The following TMC5 variants were observed in gnomAD, a reference collection of about 807,000 sequenced individuals.
TMC5 encodes the protein transmembrane channel like 5.
Under a neutral mutation model 110.5 loss-of-function variants are expected in TMC5, and 86 were observed. The ratio of observed to expected loss-of-function variants is 0.78; its 90% CI spans 0.65 to 0.93. TMC5 has a LOEUF of 0.93. Among genes scored for constraint, TMC5 ranks in the 40% least tolerant of loss-of-function variants. The pLI is 0.00. For missense variants in TMC5, 1,144 were observed against 1,222.8 expected (o/e 0.94, Z 0.96); for synonymous variants, 455 against 439.5 (o/e 1.04, Z -0.44).
rs1968072617 is a variant in TMC5, at chr16:19,463,200, A to T, written c.1149-80A>T. On this transcript the variant is annotated intron_variant, in intron 6 of 21. Transcript: ENST00000542583. Reference sequence around the variant, plus strand: ...CTTCCGAAGTGTTGGGATTACAGGCATGAGCCACCATGTAACTATTTTTTG... The same window carrying T: ...CTTCCGAAGTGTTGGGATTACAGGCTTGAGCCACCATGTAACTATTTTTTG... 2.7e-6 allele frequency: 3 copies of T among 1,102,288 alleles called. No individual in the cohort carries two copies. The East Asian group carries it at 7.2e-5, about 26-fold the overall frequency. The allele number at this position is 1,102,288 out of a possible 1,614,324, so 68.3% of individuals were successfully genotyped here.
intron 19 of TMC5, 91 bp downstream of exon 19, chr16:19,492,319 ACT>A (rs1244974583): frequency 7.1e-6 from 6 of 846,726 alleles, no homozygotes; most frequent in African/African-American, 1.7e-5. Flanking sequence ...ACTACAATGA[ACT>A]CTCATATCCC....
At chr16:19,492,932 A>C (rs11074397) in intron 19 of TMC5, among the ~76,000 whole-genome samples, 25,354 of 99,912 alleles carry the variant, frequency 0.25, 5,429 homozygotes, top group Middle Eastern at 0.35. Flanking sequence ...ATATATATAT[A>C]TCTCTCTATA....
At chr16:19,496,887 CAAAAAAAAAAA>C (rs67040638) in intron 20 of TMC5, among the ~76,000 whole-genome samples, 2 of 80,244 alleles carry the variant, frequency 2.5e-5, no homozygotes, top group East Asian at 3.6e-4. Flanking sequence ...AAGACTCTGT[CAAAAAAAAAAA>C]AAAAAAAAAA....
intron 21 of TMC5, among the ~76,000 whole-genome samples, chr16:19,497,451 A>G (rs1475323994): frequency 1.3e-5 from 2 of 152,168 alleles, no homozygotes; most frequent in Non-Finnish European, 2.9e-5. Context: ...AACTTCTTAT[A>G]TCTTCTCAGA....
In TMC5 at chr16:19,487,016, A is replaced by G. The variant is rs535262712; in HGVS notation, c.2435A>G (p.Lys812Arg). 3.1e-6 allele frequency: 5 copies of G among 1,613,934 alleles called. No homozygotes were observed. In the African/African-American group the frequency reaches 4.0e-5, roughly 13 times the overall value. ...ATGCTTTTCATCATGTTCTACTCCA[A>G]AAATGTGAGTCAGTCCGACATTGCC... is the stretch of plus-strand genomic sequence containing the variant. ...MIMLFIMFYS[K>R]NISLMMNFQP... Residue 812 changes from lysine to arginine, a missense_variant, in exon 16 of 22, where the codon AAA (lysine) becomes AGA (arginine). Physicochemically the swap from Lys to Arg is conservative, Grantham distance 26. Coordinates refer to ENST00000542583, the MANE Select transcript of TMC5 (RefSeq NM_001261841.2).
intron 19 of TMC5, among the ~76,000 whole-genome samples, chr16:19,493,465 C>CTCTCTCTCTTTCT (rs71375644): frequency 2.7e-5 from 2 of 74,790 alleles, no homozygotes; most frequent in Non-Finnish European, 7.8e-5. Context: ...CTCTCTCTCT[C>CTCTCTCTCTTTCT]TTTTTTTTTT....
intron 11 of TMC5, among the ~76,000 whole-genome samples, chr16:19,472,804 C>G (rs1046643706): frequency 1.3e-5 from 2 of 152,202 alleles, no homozygotes; most frequent in Non-Finnish European, 2.9e-5. Flanking sequence ...CCAGGTTACC[C>G]TGGCTCCAAA....
rs749937424 is a variant in TMC5 at position 19,479,415 on chromosome 16, C to T, written c.2170-16C>T. The T allele has an allele frequency of 1.2e-6, 2 of 1,601,470 alleles. No individual in the cohort carries two copies. The highest frequency in any genetic ancestry group is 2.2e-5 in the South Asian group (2 of 90,818). ...CACAGCCCCTTCCCACATCCTGACT[C>T]TTGTTTGCCTTCCAGTGTTGGGAAA... On this transcript the variant is annotated splice_polypyrimidine_tract_variant and intron_variant, in intron 13 of 21. Coordinates refer to ENST00000542583, the MANE Select transcript of TMC5 (RefSeq NM_001261841.2).
rs547623222 is a variant in TMC5 at position 19,419,758 on chromosome 16, T to G, written c.-308+1666T>G. Among the ~76,000 whole-genome samples, 67 of 152,170 alleles carry G rather than the reference T, an allele frequency of 4.4e-4. 1 individual carries two copies. In the South Asian group the frequency reaches 0.014, roughly 31 times the overall value. On this transcript the variant is annotated intron_variant, in intron 1 of 21. Transcript: ENST00000542583. Reference sequence around the variant, plus strand: ...TATTGTCATACTTTGCCAGAAAAGGTCCTGTCCCCAGAAGACAGGGTCAAG... The same window carrying G: ...TATTGTCATACTTTGCCAGAAAAGGGCCTGTCCCCAGAAGACAGGGTCAAG...
chr16:19,457,156 A>C, intron 5 of TMC5: 1 of 698,158 alleles, frequency 1.4e-6, no homozygotes. Flanking sequence ...TTGGGAGGCC[A>C]AGATAAGAGG....
chr16:19,491,073 T>C (rs956356459), intron 18 of TMC5, among the ~76,000 whole-genome samples: 4 of 151,604 alleles, frequency 2.6e-5, no homozygotes, highest in Admixed American at 1.3e-4. Flanking sequence ...TGTAGCGGCA[T>C]GGTCATGGCT....
chr16:19,491,389 G>A (rs888312597), intron 18 of TMC5, among the ~76,000 whole-genome samples: 5 of 152,082 alleles, frequency 3.3e-5, no homozygotes, highest in Non-Finnish European at 7.4e-5. Flanking sequence ...GGGAAGCTGA[G>A]ATGGGAGGAT....
chr16:19,429,489 A>C (rs1967152410), intron 1 of TMC5, among the ~76,000 whole-genome samples: 2 of 152,210 alleles, frequency 1.3e-5, no homozygotes. Flanking sequence ...ACATTCCCAG[A>C]AAGAGCAATC....
chr16:19,450,517 C>G (rs148044015), intron 5 of TMC5, among the ~76,000 whole-genome samples: 34 of 152,250 alleles, frequency 2.2e-4, no homozygotes, highest in Non-Finnish European at 4.0e-4. Flanking sequence ...TAGGTATGTC[C>G]TGGATCCTCA....
At chr16:19,415,058 TA>T (rs771388789), upstream of TMC5, among the ~76,000 whole-genome samples, 2 of 152,140 alleles carry the variant, frequency 1.3e-5, no homozygotes, top group Non-Finnish European at 2.9e-5. Flanking sequence ...TACTGAAAAG[TA>T]TCTCCCTCCA....
upstream of TMC5, among the ~76,000 whole-genome samples, chr16:19,413,097 G>C (rs563801485): frequency 5.3e-5 from 8 of 152,130 alleles, no homozygotes; most frequent in Non-Finnish European, 1.0e-4. Context: ...TCCTGCCTCA[G>C]CCTCCCAAGT....
At chr16:19,457,508 A>G (rs1967908770) in intron 5 of TMC5, among the ~76,000 whole-genome samples, 2 of 152,138 alleles carry the variant, frequency 1.3e-5, no homozygotes, top group Non-Finnish European at 2.9e-5. Context: ...GCTTATTTTT[A>G]TCAAGCTTAT....
chr16:19,432,352 A>G (rs1967211875), intron 2 of TMC5, among the ~76,000 whole-genome samples: 1 of 152,206 alleles, frequency 6.6e-6, no homozygotes, highest in Non-Finnish European at 1.5e-5. Context: ...GGGATATGGA[A>G]AGGAGGAATT....
intron 5 of TMC5, among the ~76,000 whole-genome samples, chr16:19,459,917 CAA>C (rs34853313): frequency 4.0e-4 from 38 of 95,666 alleles, no homozygotes; most frequent in African/African-American, 1.1e-3. Flanking sequence ...GATCCTGTCT[CAA>C]AAAAAAAAAA....
Sources: gnomAD v4.1 joint callset for allele counts (sites outside exome capture counted in the v4.1 genomes callset) on GRCh38, gnomAD v4.1.1 for gene constraint, MANE v1.5 for transcripts, NCBI Gene and HGNC (gene_info 2026-07-23, HGNC 2026-07-21) for gene names.